Variants in CNTNAP2 observed in about 807,000 individuals in gnomAD.
CNTNAP2 encodes the protein contactin-associated protein-like 2.
Under a neutral mutation model 155.2 loss-of-function variants are expected in CNTNAP2, and 98 were observed. That is an observed-to-expected ratio of 0.63 (90% CI 0.54 to 0.75). The LOEUF (loss-of-function observed/expected upper bound fraction) is 0.75. CNTNAP2 is among the 30% of genes least tolerant of loss of function. The pLI, the probability that CNTNAP2 is intolerant of heterozygous loss-of-function variation, is 0.00. For missense variants in CNTNAP2, 1,727 were observed against 1,688.1 expected, an observed-to-expected ratio of 1.02 and a Z score of -0.40; for synonymous variants, 651 against 631.2, an observed-to-expected ratio of 1.03 and a Z score of -0.47.
chr7:147,331,845 C>T (rs1457114623), intron 9 of CNTNAP2, among the ~76,000 whole-genome samples: 1 of 152,286 alleles, frequency 6.6e-6, no homozygotes, highest in South Asian at 2.1e-4. Flanking sequence ...ATGATCAGTT[C>T]TCAAGACTTT....
chr7:147,558,251 C>T (rs1002999784), intron 11 of CNTNAP2, among the ~76,000 whole-genome samples: 33 of 152,062 alleles, frequency 2.2e-4, no homozygotes, highest in Admixed American at 2.6e-4. Context: ...GGTTTTGCAT[C>T]CCATTCCATT....
intron 13 of CNTNAP2, among the ~76,000 whole-genome samples, chr7:147,830,496 A>G (rs1798530319): frequency 6.6e-6 from 1 of 152,176 alleles, no homozygotes; most frequent in African/African-American, 2.4e-5. Context: ...GGGGTCACAT[A>G]AACATCCAAT....
chr7:147,288,023 C>T (rs1805222026), intron 8 of CNTNAP2, among the ~76,000 whole-genome samples: 1 of 152,086 alleles, frequency 6.6e-6, no homozygotes, highest in South Asian at 2.1e-4. Flanking sequence ...CTCAGTCCTT[C>T]CCCCTTACCT....
At chr7:146,937,056 G>C (rs2129224576) in intron 3 of CNTNAP2, among the ~76,000 whole-genome samples, 1 of 152,176 alleles carries the variant, frequency 6.6e-6, no homozygotes, top group South Asian at 2.1e-4. Context: ...CAGTGTTTAG[G>C]AATACCCCAA....
chr7:148,238,244 G>A (rs1796081224), intron 20 of CNTNAP2, among the ~76,000 whole-genome samples: 1 of 152,138 alleles, frequency 6.6e-6, no homozygotes. Context: ...AGCTACTCAG[G>A]GGGCTGAGAC....
At chr7:146,608,758 T>G (rs983846709) in intron 1 of CNTNAP2, among the ~76,000 whole-genome samples, 2 of 152,178 alleles carry the variant, frequency 1.3e-5, no homozygotes, top group African/African-American at 4.8e-5. Flanking sequence ...TTCCATTTCA[T>G]TTTATATGTT....
intron 1 of CNTNAP2, among the ~76,000 whole-genome samples, chr7:146,149,879 G>GAAAAAAA (rs377385260): frequency 1.7e-5 from 1 of 59,504 alleles, no homozygotes. Context: ...TAGCCACAAA[G>GAAAAAAA]AAAAAAAAAA....
At chr7:147,984,806 C>T (rs916823489) in intron 15 of CNTNAP2, among the ~76,000 whole-genome samples, 10 of 152,166 alleles carry the variant, frequency 6.6e-5, no homozygotes, top group Admixed American at 5.2e-4. Context: ...AGGAACTTCA[C>T]TTTCACTGTC....
chr7:148,043,380 G>A (rs182057969), intron 15 of CNTNAP2, among the ~76,000 whole-genome samples: 122 of 152,240 alleles, frequency 8.0e-4, no homozygotes, highest in Non-Finnish European at 1.3e-3. Context: ...CTTGATATAC[G>A]AAACACACAG....
intron 8 of CNTNAP2, among the ~76,000 whole-genome samples, chr7:147,264,998 G>T (rs1457371093): frequency 2.0e-5 from 3 of 151,906 alleles, no homozygotes; most frequent in Non-Finnish European, 4.4e-5. Context: ...TCTTGAGAAG[G>T]CAAGTCTTGA....
chr7:146,972,227 A>G (rs952960886), intron 3 of CNTNAP2, among the ~76,000 whole-genome samples: 3 of 152,206 alleles, frequency 2.0e-5, no homozygotes, highest in African/African-American at 7.2e-5. Context: ...TCAATCTTTA[A>G]TAATTTTACT....
chr7:147,677,829 G>C (rs1418969760), intron 13 of CNTNAP2, among the ~76,000 whole-genome samples: 2 of 151,492 alleles, frequency 1.3e-5, no homozygotes, highest in Non-Finnish European at 3.0e-5. Context: ...TTAGTTATAA[G>C]TGCATAAATT....
chr7:147,495,333 C>T (rs987373100), intron 11 of CNTNAP2, among the ~76,000 whole-genome samples: 1 of 152,112 alleles, frequency 6.6e-6, no homozygotes, highest in Non-Finnish European at 1.5e-5. Context: ...ACCTTGGTAG[C>T]TTGAAGCAGA....
At chr7:148,383,960 G>T in intron 22 of CNTNAP2, 72 bp downstream of exon 22, 1 of 1,546,782 alleles carries the variant, frequency 6.5e-7, no homozygotes, top group East Asian at 2.4e-5. Flanking sequence ...CTATGGAATG[G>T]ATTTAATAAC....
intron 1 of CNTNAP2, among the ~76,000 whole-genome samples, chr7:146,751,657 G>A (rs868048639): frequency 3.3e-4 from 50 of 151,948 alleles, no homozygotes; most frequent in Non-Finnish European, 2.4e-4. Context: ...TGTGCAGAAT[G>A]TGCAGGTTTG....
chr7:148,057,232 G>A (rs777464422), intron 15 of CNTNAP2, among the ~76,000 whole-genome samples: 8 of 152,124 alleles, frequency 5.3e-5, no homozygotes, highest in South Asian at 2.1e-4. Flanking sequence ...TTCACTAAGC[G>A]GTGGGTAGGA....
chr7:146,905,418 C>T (rs1331451510), intron 3 of CNTNAP2, among the ~76,000 whole-genome samples: 2 of 152,156 alleles, frequency 1.3e-5, no homozygotes, highest in African/African-American at 4.8e-5. Context: ...ATTCTTTCTA[C>T]ATTCTCTTCC....
At chr7:147,232,734 A>G (rs993276806) in intron 8 of CNTNAP2, among the ~76,000 whole-genome samples, 1 of 152,210 alleles carries the variant, frequency 6.6e-6, no homozygotes, top group Non-Finnish European at 1.5e-5. Context: ...TATTCCTAGA[A>G]AAAAACGTAG....
intron 20 of CNTNAP2, among the ~76,000 whole-genome samples, chr7:148,243,813 A>C (rs1369438759): frequency 1.3e-5 from 2 of 152,210 alleles, no homozygotes; most frequent in Non-Finnish European, 2.9e-5. Context: ...AAAAAGAAAA[A>C]AAAAACTTTT....
Sources: gnomAD v4.1 joint callset for allele counts (sites outside exome capture counted in the v4.1 genomes callset) on GRCh38, gnomAD v4.1.1 for gene constraint, MANE v1.5 for transcripts, NCBI Gene and HGNC (gene_info 2026-07-23, HGNC 2026-07-21) for gene names.